Variants in MINAR1 observed in about 807,000 individuals in gnomAD.
The protein encoded by MINAR1 is membrane integral NOTCH2 associated receptor 1, also known as major intrinsically disordered Notch2-binding receptor 1.
Under a neutral mutation model 65.1 loss-of-function variants are expected in MINAR1, and 40 were observed. The observed-to-expected ratio is 0.61, with a 90% CI of 0.48 to 0.80. The LOEUF (loss-of-function observed/expected upper bound fraction) is 0.80. Ranked by LOEUF, MINAR1 falls within the 30% of genes least tolerant of loss-of-function variation. The pLI, the probability that MINAR1 is intolerant of heterozygous loss-of-function variation, is 0.00. For missense variants in MINAR1, 1,128 were observed against 1,148.0 expected (o/e 0.98, Z 0.25); for synonymous variants, 482 against 449.1 (o/e 1.07, Z -0.93).
At chr15:79,432,054 C>G (rs1178380564), upstream of MINAR1, among the ~76,000 whole-genome samples, 1 of 152,014 alleles carries the variant, frequency 6.6e-6, no homozygotes, top group African/African-American at 2.4e-5. Flanking sequence ...AGAAGCCCAG[C>G]CCAGCTCTCC....
chr15:79,413,392 C>T, the MINAR1 span: 1 of 152,176 alleles, frequency 6.6e-6, no homozygotes, highest in Non-Finnish European at 1.5e-5. Context: ...TGCCACATGC[C>T]AGATGCTCTG....
At chr15:79,432,730 G>T (rs1350099251) in intron 1 of MINAR1, among the ~76,000 whole-genome samples, 190 bp downstream of exon 1, 2 of 152,232 alleles carry the variant, frequency 1.3e-5, no homozygotes, top group African/African-American at 4.8e-5. Flanking sequence ...GGGGGCCCTT[G>T]TCGCTGCGCT....
chr15:79,469,532 T>A lies in MINAR1; in HGVS notation c.*1148T>A, dbSNP rs148329574. Reference sequence around the variant, plus strand: ...AAAATATTATCTGTTTAACCACTTATCTATATGTCTATCTATCTATCTATA... The same window carrying A: ...AAAATATTATCTGTTTAACCACTTAACTATATGTCTATCTATCTATCTATA... On this transcript the variant is annotated 3_prime_UTR_variant, in exon 4 of 4. Coordinates refer to ENST00000305428, the MANE Select transcript of MINAR1 (RefSeq NM_015206.3). The A allele has an allele frequency of 2.0e-5, 3 of 151,746 alleles. No individual in the cohort carries two copies. The highest frequency in any genetic ancestry group is 7.3e-5 in the African/African-American group (3 of 41,010). The allele number at this position is 151,746 out of a possible 1,614,324, so 9.4% of individuals were successfully genotyped here.
chr15:79,441,224 TGAAAG>T lies in MINAR1; in HGVS notation c.-51+8688_-51+8692del, dbSNP rs1378508653. Among the ~76,000 whole-genome samples, 143 of 152,224 alleles carry T rather than the reference TGAAAG, an allele frequency of 9.4e-4. 2 individuals are homozygous for T. The highest frequency in any genetic ancestry group is 1.5e-3 in the African/African-American group (64 of 41,526). ...ACATTTAAATAAAACAGCCCTGAAATGAAAGGAAGAGAAAACCACCCAGAGACAAT... is the reference window on the plus strand; with the variant it reads ...ACATTTAAATAAAACAGCCCTGAAATGAAGAGAAAACCACCCAGAGACAAT... On this transcript the variant is annotated intron_variant, in intron 1 of 3. Transcript: ENST00000305428.
In MINAR1 at chr15:79,432,480, G is replaced by A. The variant is rs1894470142; in HGVS notation, c.-111G>A. On this transcript the variant is annotated 5_prime_UTR_variant, in exon 1 of 4. Coordinates refer to ENST00000305428, the MANE Select transcript of MINAR1 (RefSeq NM_015206.3). Reference sequence around the variant, plus strand: ...GGCATCGGAGGCCGTGCGGACCACTGCCGAACAGCCGCTGGAGACCCGCAG... The same window carrying A: ...GGCATCGGAGGCCGTGCGGACCACTACCGAACAGCCGCTGGAGACCCGCAG... The A allele has an allele frequency of 6.6e-6, 1 of 152,274 alleles. No homozygotes were observed. The highest frequency in any genetic ancestry group is 2.1e-4 in the South Asian group (1 of 4,840). 9.4% of individuals were successfully genotyped at this position (152,274 alleles called of 1,614,324 possible).
intron 1 of MINAR1, among the ~76,000 whole-genome samples, chr15:79,435,985 C>T (rs1329468692): frequency 3.9e-5 from 6 of 152,156 alleles, no homozygotes; most frequent in African/African-American, 1.2e-4. Context: ...CTTGTTTGGC[C>T]AGAAAGTACA....
chr15:79,426,933 G>A, the MINAR1 span: 1 of 152,164 alleles, frequency 6.6e-6, no homozygotes, highest in Non-Finnish European at 1.5e-5. Flanking sequence ...AGACCCAAAG[G>A]CAAATAAATA....
chr15:79,449,843 C>T (rs1456443317), intron 1 of MINAR1, among the ~76,000 whole-genome samples: 1 of 152,206 alleles, frequency 6.6e-6, no homozygotes, highest in Non-Finnish European at 1.5e-5. Flanking sequence ...AGACTCTTCT[C>T]TGCTGCCCTG....
intron 1 of MINAR1, among the ~76,000 whole-genome samples, chr15:79,454,405 G>C (rs1270776463): frequency 1.3e-5 from 2 of 152,180 alleles, no homozygotes; most frequent in African/African-American, 4.8e-5. Context: ...CTTAGAAAAT[G>C]GGTTGGGTAC....
At chr15:79,423,700 G>A in the MINAR1 span, 1 of 152,178 alleles carries the variant, frequency 6.6e-6, no homozygotes, top group Non-Finnish European at 1.5e-5. Context: ...TCTAGAATTA[G>A]GCTGCCTGGG....
At chr15:79,428,494 CTCCCTCCTTCCTCCT>C (rs1894369225), upstream of MINAR1, among the ~76,000 whole-genome samples, 1 of 145,614 alleles carries the variant, frequency 6.9e-6, no homozygotes, top group Non-Finnish European at 1.5e-5. Context: ...TTCCCCCTCC[CTCCCTCCTTCCTCCT>C]TCCCTCCTTC....
Position 79,432,491 on chromosome 15 carries a change from G to T in MINAR1, c.-100G>T, listed in dbSNP as rs1894470521. The T allele has an allele frequency of 6.6e-6, 1 of 152,276 alleles. No individual in the cohort carries two copies. Among genetic ancestry groups the T allele is most frequent in the African/African-American group, 2.4e-5 (1 of 41,462 alleles). The allele number at this position is 152,276 out of a possible 1,614,324, so 9.4% of individuals were successfully genotyped here. Reference sequence around the variant, plus strand: ...CCGTGCGGACCACTGCCGAACAGCCGCTGGAGACCCGCAGAGAAGGGCGGG... The same window carrying T: ...CCGTGCGGACCACTGCCGAACAGCCTCTGGAGACCCGCAGAGAAGGGCGGG... On this transcript the variant is annotated 5_prime_UTR_variant, in exon 1 of 4. Coordinates refer to ENST00000305428, the MANE Select transcript of MINAR1 (RefSeq NM_015206.3).
Position 79,468,257 on chromosome 15 carries a change from C to G in MINAR1, c.2624C>G (p.Ser875Ter). ...GACATTTATACTCCAGGATACGATT[C>G]ATTACTAAAACGTAAAGAAGCCGAA... is the stretch of plus-strand genomic sequence containing the variant. ...MEDIYTPGYD[S>*]LLKRKEAEFR... The change falls in exon 4 of 4, where the codon TCA becomes TGA. Residue 875 changes from serine (S) to a stop codon, truncating the protein, a stop_gained. Transcript: ENST00000305428. LOFTEE classifies it high-confidence loss of function. The G allele has an allele frequency of 6.2e-7, 1 of 1,614,038 alleles. No individual in the cohort carries two copies. The highest frequency in any genetic ancestry group is 8.5e-7 in the Non-Finnish European group (1 of 1,179,916).
intron 1 of MINAR1, among the ~76,000 whole-genome samples, chr15:79,448,367 A>T (rs1008777491): frequency 3.3e-4 from 50 of 152,326 alleles, no homozygotes; most frequent in Non-Finnish European, 6.0e-4. Context: ...TGGGAGAGAA[A>T]GTGTTCCCCC....
At position 79,468,598 on chromosome 15, in the gene MINAR1, T is replaced by C; in HGVS notation, c.*214T>C. The C allele has an allele frequency of 1.8e-6, 1 of 555,300 alleles. No homozygotes were observed. The highest frequency in any genetic ancestry group is 4.8e-4 in the Middle Eastern group (1 of 2,096). 34.4% of individuals were successfully genotyped at this position (555,300 alleles called of 1,614,324 possible). On this transcript the variant is annotated 3_prime_UTR_variant, in exon 4 of 4. Transcript: ENST00000305428. Reference sequence around the variant, plus strand: ...TTTGACTCAATTACACTCTGACGCATTTTTAGAAGTGCAATATCTTTTCCT... The same window carrying C: ...TTTGACTCAATTACACTCTGACGCACTTTTAGAAGTGCAATATCTTTTCCT...
At chr15:79,428,797 C>T (rs1894377679), upstream of MINAR1, among the ~76,000 whole-genome samples, 1 of 152,092 alleles carries the variant, frequency 6.6e-6, no homozygotes, top group African/African-American at 2.4e-5. Flanking sequence ...TTCAATACAT[C>T]TAAAATGTAC....
the MINAR1 span, chr15:79,425,774 ACG>A: frequency 6.6e-6 from 1 of 152,578 alleles, no homozygotes; most frequent in African/African-American, 2.4e-5. Context: ...AGAGCCAGAC[ACG>A]AGAGAGCCGG....
intron 1 of MINAR1, among the ~76,000 whole-genome samples, chr15:79,452,377 CCT>C (rs796996186): frequency 9.9e-5 from 15 of 151,032 alleles, no homozygotes; most frequent in African/African-American, 3.2e-4. Context: ...TATGTATGTC[CCT>C]GAGTCTGCAT....
chr15:79,452,018 C>T (rs1895220719), intron 1 of MINAR1, among the ~76,000 whole-genome samples: 1 of 151,944 alleles, frequency 6.6e-6, no homozygotes, highest in Non-Finnish European at 1.5e-5. Flanking sequence ...TGTGAGTGAG[C>T]CTGTGTATGT....
Sources: allele counts gnomAD v4.1 joint callset (sites outside exome capture counted in the v4.1 genomes callset), GRCh38; gene constraint gnomAD v4.1.1; transcripts MANE v1.5; gene names NCBI Gene and HGNC (gene_info 2026-07-23, HGNC 2026-07-21).